CSMD1: variants seen among roughly 807,000 people sequenced by gnomAD.
CSMD1 encodes CUB and sushi domain-containing protein 1.
In CSMD1, 213 loss-of-function variants were observed where a neutral mutation model predicts 417.5. The observed-to-expected ratio is 0.51, with a 90% CI of 0.46 to 0.57. The LOEUF (loss-of-function observed/expected upper bound fraction) is 0.57. CSMD1 is among the 20% of genes least tolerant of loss of function. The pLI is 0.00. For missense variants in CSMD1, 6,923 were observed against 4,529.7 expected, an observed-to-expected ratio of 1.53 and a Z score of -15.17; for synonymous variants, 2,862 against 1,736.8, an observed-to-expected ratio of 1.65 and a Z score of -16.11.
intron 3 of CSMD1, among the ~76,000 whole-genome samples, chr8:4,170,700 C>A (rs1406334323): frequency 2.6e-5 from 4 of 151,234 alleles, no homozygotes; most frequent in Non-Finnish European, 5.9e-5. Context: ...CAAAAGTAAA[C>A]TGATATAGCT....
In CSMD1 at chr8:3,349,993, ATG is replaced by A. The variant is rs200786558; in HGVS notation, c.3305-1834_3305-1833del. On this transcript the variant is annotated intron_variant, in intron 21 of 69. Coordinates refer to ENST00000635120, the MANE Select transcript of CSMD1 (RefSeq NM_033225.6). ...CTATAATACCTATAATTACTTGTGTATGTGTTATAATACCTATAATAACTTGT... is the reference window on the plus strand; with the variant it reads ...CTATAATACCTATAATTACTTGTGTATGTTATAATACCTATAATAACTTGT... Among the ~76,000 whole-genome samples, 145 of 145,974 alleles carry A rather than the reference ATG, an allele frequency of 9.9e-4. 2 individuals are homozygous for A. The highest frequency in any genetic ancestry group is 3.2e-3 in the African/African-American group (127 of 39,800).
chr8:4,983,115 G>T (rs1377209298), intron 1 of CSMD1, among the ~76,000 whole-genome samples: 1 of 152,164 alleles, frequency 6.6e-6, no homozygotes, highest in Non-Finnish European at 1.5e-5. Flanking sequence ...AAACAGTCAA[G>T]AAACAGAAAC....
intron 1 of CSMD1, among the ~76,000 whole-genome samples, chr8:4,689,720 C>G (rs538681034): frequency 9.9e-5 from 15 of 152,044 alleles, no homozygotes; most frequent in Non-Finnish European, 1.6e-4. Flanking sequence ...AACTGCAGAT[C>G]GTCTTTGGCT....
Position 3,029,388 on chromosome 8 carries a change from C to T in CSMD1, c.7786G>A (p.Gly2596Ser). Residue 2596 changes from glycine (G) to serine (S), a missense_variant, in exon 51 of 70, where the codon GGC becomes AGC. Physicochemically the swap from Gly to Ser is moderately conservative, Grantham distance 56. Coordinates refer to ENST00000635120, the MANE Select transcript of CSMD1 (RefSeq NM_033225.6). The stretch of plus-strand genomic sequence containing the variant: ...GCCTGGCACCGCAGGAGCCTCCAGC[C>T]TTCTAAGTAGTAACCAGGACTGCAG... ...LSCSPGYYLE[G>S]WRLLRCQANG... is the part of the protein sequence containing the mutation. 6.2e-7 allele frequency: 1 copy of T among 1,611,966 alleles called. No homozygotes were observed. Among genetic ancestry groups the T allele is most frequent in the Non-Finnish European group, 8.5e-7 (1 of 1,179,530 alleles).
At chr8:4,759,246 G>C (rs932268121) in intron 1 of CSMD1, among the ~76,000 whole-genome samples, 4 of 152,128 alleles carry the variant, frequency 2.6e-5, no homozygotes, top group African/African-American at 4.8e-5. Flanking sequence ...AGTGTCGTTG[G>C]ATGATGACTG....
At chr8:3,121,091 CA>C (rs77969706) in intron 41 of CSMD1, among the ~76,000 whole-genome samples, 28,776 of 138,684 alleles carry the variant, frequency 0.21, 3,229 homozygotes, top group East Asian at 0.42. Flanking sequence ...CAAACAACAA[CA>C]AAAAAAAAAT....
At chr8:3,115,235 C>G (rs1816795345) in intron 42 of CSMD1, among the ~76,000 whole-genome samples, 1 of 110,552 alleles carries the variant, frequency 9.0e-6, no homozygotes, top group South Asian at 3.3e-4. Flanking sequence ...GAGTTTTGCT[C>G]TTGTCACCCA....
chr8:4,025,262 T>G (rs1341915608), intron 4 of CSMD1, among the ~76,000 whole-genome samples: 2 of 152,230 alleles, frequency 1.3e-5, no homozygotes, highest in Non-Finnish European at 2.9e-5. Context: ...CCTGCTTCCT[T>G]TCTACCTTCT....
chr8:4,952,224 C>G (rs1480728435), intron 1 of CSMD1, among the ~76,000 whole-genome samples: 1 of 151,860 alleles, frequency 6.6e-6, no homozygotes, highest in African/African-American at 2.4e-5. Flanking sequence ...CATGTTTGCT[C>G]CGTGGAGTTA....
In CSMD1 at chr8:2,942,534, G is replaced by T; in HGVS notation, c.10473C>A (p.Ala3491=). The T allele has an allele frequency of 6.2e-7, 1 of 1,608,474 alleles. No individual in the cohort carries two copies. ...TTAGAGCAAAGAAAGGAACCAGAAT[G>T]GCAGCCGCCACAGAGCCACTGCTGG... The part of the protein sequence containing the change: ...HGTSSGSVAA[A]ILVPFFALIL... Residue 3491 remains alanine, a synonymous_variant, in exon 69 of 70, where the codon GCC becomes GCA. Coordinates refer to ENST00000635120, the MANE Select transcript of CSMD1 (RefSeq NM_033225.6).
intron 50 of CSMD1, among the ~76,000 whole-genome samples, chr8:3,041,069 T>G (rs1167186767): frequency 6.6e-6 from 1 of 152,166 alleles, no homozygotes; most frequent in Non-Finnish European, 1.5e-5. Flanking sequence ...GAAATAATAA[T>G]TTTCTTAACC....
intron 12 of CSMD1, among the ~76,000 whole-genome samples, chr8:3,450,206 T>C (rs904151191): frequency 1.3e-5 from 2 of 152,220 alleles, no homozygotes; most frequent in East Asian, 1.9e-4. Context: ...AGATGGGCCT[T>C]AACATCTCCG....
rs117138266 is a variant in CSMD1 at position 4,169,207 on chromosome 8, A to G, written c.416-137108T>C. 6.4e-3 allele frequency among the ~76,000 whole-genome samples: 970 copies of G among 152,202 alleles called. 59 individuals carry two copies. In the East Asian group the frequency reaches 0.13, roughly 20 times the overall value. Reference sequence around the variant, plus strand: ...TGTTAACATAGTGTACGTCACCAACACATGTCTGAGCAAAGTCCAGCAGTG... The same window carrying G: ...TGTTAACATAGTGTACGTCACCAACGCATGTCTGAGCAAAGTCCAGCAGTG... On this transcript the variant is annotated intron_variant, in intron 3 of 69. Transcript: ENST00000635120.
chr8:4,305,854 C>A (rs1404744123), intron 3 of CSMD1, among the ~76,000 whole-genome samples: 1 of 152,076 alleles, frequency 6.6e-6, no homozygotes, highest in Non-Finnish European at 1.5e-5. Context: ...TGTATGGATC[C>A]CCTTCCAGTC....
At chr8:4,579,941 T>A (rs1222250509) in intron 2 of CSMD1, among the ~76,000 whole-genome samples, 1 of 152,214 alleles carries the variant, frequency 6.6e-6, no homozygotes, top group Non-Finnish European at 1.5e-5. Context: ...CGATTTCCTG[T>A]ATTTTATGTT....
chr8:2,970,770 A>T (rs1176894669), intron 57 of CSMD1, among the ~76,000 whole-genome samples: 1 of 152,210 alleles, frequency 6.6e-6, no homozygotes, highest in African/African-American at 2.4e-5. Context: ...CCGAATGATA[A>T]ATGCTACAGA....
At chr8:4,512,793 A>G (rs1318336080) in intron 2 of CSMD1, among the ~76,000 whole-genome samples, 1 of 101,742 alleles carries the variant, frequency 9.8e-6, no homozygotes, top group Non-Finnish European at 2.5e-5. Flanking sequence ...TAACTAAACA[A>G]AGAGATAGCC....
At chr8:3,535,337 A>T (rs2117532624) in intron 10 of CSMD1, among the ~76,000 whole-genome samples, 1 of 152,308 alleles carries the variant, frequency 6.6e-6, no homozygotes, top group East Asian at 1.9e-4. Flanking sequence ...TACCATGCTG[A>T]GTCACTATAG....
intron 3 of CSMD1, among the ~76,000 whole-genome samples, chr8:4,287,934 G>A (rs778660279): frequency 3.3e-5 from 5 of 151,914 alleles, no homozygotes; most frequent in Admixed American, 6.6e-5. Flanking sequence ...ATGTTTAGTT[G>A]CAAAACTTTT....
Sources: allele counts gnomAD v4.1 joint callset (sites outside exome capture counted in the v4.1 genomes callset), GRCh38; gene constraint gnomAD v4.1.1; transcripts MANE v1.5; gene names NCBI Gene and HGNC (gene_info 2026-07-23, HGNC 2026-07-21).